Variants in TRIM8 observed in about 807,000 individuals in gnomAD.
The protein encoded by TRIM8 is E3 ubiquitin-protein ligase TRIM8.
In TRIM8, 9 loss-of-function variants were observed where a neutral mutation model predicts 55.7. The ratio of observed to expected loss-of-function variants is 0.16; its 90% CI spans 0.10 to 0.28. The LOEUF (loss-of-function observed/expected upper bound fraction) is 0.28. Among genes scored for constraint, TRIM8 ranks in the 10% least tolerant of loss-of-function variants. The pLI is 1.00. For synonymous variants in TRIM8, 335 were observed against 333.3 expected (o/e 1.01, Z -0.06); for missense variants, 556 against 736.4 (o/e 0.76, Z 2.83).
chr10:102,645,508 C>T, intron 1 of TRIM8: 3 of 252,422 alleles, frequency 1.2e-5, no homozygotes, highest in Non-Finnish European at 7.5e-6. Context: ...AGTCTTGTTG[C>T]TGTAGGCCCT....
chr10:102,655,240 T>C lies in TRIM8; in HGVS notation c.827T>C (p.Met276Thr), dbSNP rs1206623572. Residue 276 changes from methionine to threonine, a missense_variant, in exon 3 of 6, where the codon ATG becomes ACG. Coordinates refer to ENST00000643721, the MANE Select transcript of TRIM8 (RefSeq NM_030912.3). ...AAQALHLGER[M>T]QEAKKLLGSL... is the part of the protein sequence containing the mutation. ...CAGGCGCTGCACCTCGGGGAGCGCA[T>C]GCAGGAGGCCAAGAAGCTGCTGGGC... 3 of 1,602,150 alleles carry C rather than the reference T, an allele frequency of 1.9e-6. No individual in the cohort carries two copies. The highest frequency in any genetic ancestry group is 2.5e-6 in the Non-Finnish European group (3 of 1,176,944).
At chr10:102,654,529 G>C in intron 1 of TRIM8, 124 bp from the exon 2 acceptor site, 1 of 791,752 alleles carries the variant, frequency 1.3e-6, no homozygotes, top group Non-Finnish European at 2.2e-6. Flanking sequence ...AAAGGGGCTG[G>C]GTAGCAGAGG....
rs376367548 is a variant in TRIM8, at chr10:102,656,218, G to A, written c.933-52G>A. ...CAGGCCCATGGCGGGGAGGTAGGGC[G>A]GGCTCACCGGTGATGCCTCCTCACA... On this transcript the variant is annotated intron_variant, in intron 4 of 5. Transcript: ENST00000643721. This position sits in a 1 kb window ranked among gnomAD's most constrained non-coding sequence, Gnocchi z 4.6. The A allele has an allele frequency of 4.0e-4, 653 of 1,614,060 alleles. 1 individual carries two copies. In the African/African-American group the frequency reaches 6.7e-3, roughly 16 times the overall value.
chr10:102,645,224 CACAG>C (rs920260984), intron 1 of TRIM8, 37 bp downstream of exon 1: 8 of 1,482,576 alleles, frequency 5.4e-6, no homozygotes, highest in Non-Finnish European at 7.1e-6. Context: ...CACACACACA[CACAG>C]ACACACAGTC....
rs1186039257 is a variant in TRIM8, at chr10:102,656,221, C to T, written c.933-49C>T. 1.2e-6 allele frequency: 2 copies of T among 1,613,890 alleles called. No homozygotes were observed. Among genetic ancestry groups the T allele is most frequent in the African/African-American group, 2.7e-5 (2 of 74,922 alleles). ...GCCCATGGCGGGGAGGTAGGGCGGG[C>T]TCACCGGTGATGCCTCCTCACAGCA... On this transcript the variant is annotated intron_variant, in intron 4 of 5. Coordinates refer to ENST00000643721, the MANE Select transcript of TRIM8 (RefSeq NM_030912.3). This position sits in a 1 kb window ranked among gnomAD's most constrained non-coding sequence, Gnocchi z 4.6.
At position 102,656,081 on chromosome 10, in the gene TRIM8, C is replaced by T. The variant is rs768349869; in HGVS notation, c.901-25C>T. On this transcript the variant is annotated intron_variant, in intron 3 of 5. Transcript: ENST00000643721. This position sits in a 1 kb window ranked among gnomAD's most constrained non-coding sequence, Gnocchi z 4.6. ...CTCCCTGGACTGCCTTTTCCACTGA[C>T]TTGACTCTTTTCTCTCCCCAACAGA... 1.2e-6 allele frequency: 2 copies of T among 1,614,002 alleles called. No individual in the cohort carries two copies. Among genetic ancestry groups the T allele is most frequent in the Non-Finnish European group, 8.5e-7 (1 of 1,179,994 alleles).
chr10:102,652,119 C>G (rs2063990373), intron 1 of TRIM8, among the ~76,000 whole-genome samples: 1 of 152,144 alleles, frequency 6.6e-6, no homozygotes, highest in Admixed American at 6.5e-5. Context: ...GAGGTCCTGT[C>G]CTGGGTCACT....
In TRIM8 at chr10:102,657,284, A is replaced by G; in HGVS notation, c.1586A>G (p.Gln529Arg). 1 of 1,613,348 alleles carries G rather than the reference A, an allele frequency of 6.2e-7. No individual in the cohort carries two copies. Among genetic ancestry groups the G allele is most frequent in the Non-Finnish European group, 8.5e-7 (1 of 1,179,678 alleles). Residue 529 changes from glutamine to arginine, a missense_variant, in exon 6 of 6, where the codon CAG becomes CGG. Gln to Arg is a conservative substitution (Grantham distance 43, BLOSUM62 1). Around this residue, in one of 2 missense-constraint regions of TRIM8, gnomAD observed 391 missense variants for 441.0 expected, o/e 0.89. Transcript: ENST00000643721. ...LAVRDWLDAS[Q>R]QPGHQDFYRV... ...GTCAGAGACTGGCTTGACGCCTCCCAGCAGCCCGGCCACCAGGATTTCTAC... is the reference window on the plus strand; with the variant it reads ...GTCAGAGACTGGCTTGACGCCTCCCGGCAGCCCGGCCACCAGGATTTCTAC...
Position 102,657,414 on chromosome 10 carries a change from T to G in TRIM8, c.*60T>G. 6.6e-7 allele frequency: 1 copy of G among 1,512,658 alleles called. No homozygotes were observed. Among genetic ancestry groups the G allele is most frequent in the East Asian group, 2.3e-5 (1 of 43,682 alleles). 93.7% of individuals were successfully genotyped at this position (1,512,658 alleles called of 1,614,324 possible). A position where few individuals can be genotyped will look rare whatever the true frequency, so the allele number is the denominator to read the frequency against. ...CTCCCCAGCCCCCGGGCTCGGGAGT[T>G]ATGCATCCAGAGACCTGCCCTTCTA... is the stretch of plus-strand genomic sequence containing the variant. On this transcript the variant is annotated 3_prime_UTR_variant, in exon 6 of 6. Coordinates refer to ENST00000643721, the MANE Select transcript of TRIM8 (RefSeq NM_030912.3).
At chr10:102,645,472 T>G in intron 1 of TRIM8, 3 of 303,484 alleles carry the variant, frequency 9.9e-6, no homozygotes, top group Non-Finnish European at 1.8e-5. Flanking sequence ...GGTGTTGCTT[T>G]TCTGTGGTGC....
chr10:102,655,691 C>G (rs755605405), intron 3 of TRIM8, among the ~76,000 whole-genome samples: 2 of 152,202 alleles, frequency 1.3e-5, no homozygotes, highest in Non-Finnish European at 2.9e-5. Flanking sequence ...CATTTTGCTG[C>G]AGAAATGTTG....
At chr10:102,651,349 C>T (rs989449365) in intron 1 of TRIM8, among the ~76,000 whole-genome samples, 3 of 152,210 alleles carry the variant, frequency 2.0e-5, no homozygotes, top group Non-Finnish European at 4.4e-5. Context: ...CCCACCCCCC[C>T]AGGACTGGAC....
intron 3 of TRIM8, among the ~76,000 whole-genome samples, chr10:102,655,821 T>A (rs1295974168): frequency 2.6e-5 from 4 of 152,200 alleles, no homozygotes; most frequent in Admixed American, 1.3e-4. Context: ...CCCAAAGACT[T>A]GAGCTAAAAC....
At position 102,652,539 on chromosome 10, in the gene TRIM8, C is replaced by A. The variant is rs570124945; in HGVS notation, c.571-2114C>A. 2.6e-5 allele frequency among the ~76,000 whole-genome samples: 4 copies of A among 152,250 alleles called. No individual in the cohort carries two copies. In the East Asian group the frequency reaches 7.7e-4, roughly 29 times the overall value. Reference sequence around the variant, plus strand: ...GGGCTTATTGAGTGAATTTGTTATGCATCTCAGGCCGCCCAGGCCTTTGTG... The same window carrying A: ...GGGCTTATTGAGTGAATTTGTTATGAATCTCAGGCCGCCCAGGCCTTTGTG... On this transcript the variant is annotated intron_variant, in intron 1 of 5. Coordinates refer to ENST00000643721, the MANE Select transcript of TRIM8 (RefSeq NM_030912.3).
At position 102,656,480 on chromosome 10, in the gene TRIM8, T is replaced by G. The variant is rs2064026266; in HGVS notation, c.1048+95T>G. The G allele has an allele frequency of 6.6e-7, 1 of 1,508,988 alleles. No homozygotes were observed. The highest frequency in any genetic ancestry group is 2.1e-5 in the Admixed American group (1 of 48,160). 93.5% of individuals were successfully genotyped at this position (1,508,988 alleles called of 1,614,324 possible). On this transcript the variant is annotated intron_variant, in intron 5 of 5. Coordinates refer to ENST00000643721, the MANE Select transcript of TRIM8 (RefSeq NM_030912.3). The surrounding 1 kb of genome is among the most constrained non-coding windows in gnomAD (Gnocchi z 4.6). The stretch of plus-strand genomic sequence containing the variant: ...CTCCAAGAGGCAGTGTGGCCCAGTC[T>G]GGGAGACCTGTCCTCATATCCAGGC...
At chr10:102,649,036 G>GTGTGTA (rs2135977783) in intron 1 of TRIM8, among the ~76,000 whole-genome samples, 1 of 125,514 alleles carries the variant, frequency 8.0e-6, no homozygotes, top group East Asian at 3.0e-4. Flanking sequence ...GTCTGCAGGT[G>GTGTGTA]TGTGTGTGTG....
intron 1 of TRIM8, among the ~76,000 whole-genome samples, chr10:102,647,278 G>A (rs1447070699): frequency 6.6e-6 from 1 of 152,206 alleles, no homozygotes; most frequent in African/African-American, 2.4e-5. Flanking sequence ...GTGCTTTCTT[G>A]TGCCTGGTGT....
At chr10:102,653,723 G>A (rs545335841) in intron 1 of TRIM8, 2 of 152,394 alleles carry the variant, frequency 1.3e-5, no homozygotes, top group East Asian at 3.9e-4. Flanking sequence ...CTAGCTCTCA[G>A]TCTTAAGAAC....
chr10:102,648,808 G>C (rs1590105321), intron 1 of TRIM8, among the ~76,000 whole-genome samples: 1 of 152,068 alleles, frequency 6.6e-6, no homozygotes, highest in Non-Finnish European at 1.5e-5. Context: ...TGTGTTTGTG[G>C]TGTGACGGTC....
Sources: gnomAD v4.1 joint callset for allele counts (sites outside exome capture counted in the v4.1 genomes callset) on GRCh38, gnomAD v4.1.1 for gene constraint, gnomAD v4.1.1 regional missense constraint, Gnocchi (gnomAD v3.1) non-coding constraint, MANE v1.5 for transcripts, NCBI Gene and HGNC (gene_info 2026-07-23, HGNC 2026-07-21) for gene names.